Variants in TPD52L1 observed in about 807,000 individuals in gnomAD.
The protein encoded by TPD52L1 is tumor protein D53.
A neutral mutation model predicts 28.7 loss-of-function variants in TPD52L1; 18 were observed. The observed-to-expected ratio is 0.63, with a 90% confidence interval of 0.43 to 0.93. TPD52L1 has a LOEUF of 0.93. Ranked by LOEUF, TPD52L1 falls within the 40% of genes least tolerant of loss-of-function variation. The pLI, the probability that TPD52L1 is intolerant of heterozygous loss-of-function variation, is 0.00. For synonymous variants in TPD52L1, 75 were observed against 88.8 expected, an observed-to-expected ratio of 0.84 and a Z score of 0.88; for missense variants, 203 against 254.8, an observed-to-expected ratio of 0.80 and a Z score of 1.39.
intron 1 of TPD52L1, among the ~76,000 whole-genome samples, chr6:125,198,587 T>G (rs931458241): frequency 1.3e-5 from 2 of 151,864 alleles, no homozygotes; most frequent in African/African-American, 4.9e-5. Flanking sequence ...AACCACTTTC[T>G]GTCTATGAAC....
chr6:125,225,451 C>G (rs961795348), intron 2 of TPD52L1, among the ~76,000 whole-genome samples: 1 of 152,150 alleles, frequency 6.6e-6, no homozygotes, highest in Admixed American at 6.5e-5. Context: ...AGTGGCGGAA[C>G]TATTTTACAT....
intron 4 of TPD52L1, chr6:125,252,355 A>C (rs983844360): frequency 1.3e-5 from 4 of 298,542 alleles, no homozygotes; most frequent in African/African-American, 4.3e-5. Context: ...AAAAAAAACA[A>C]AGTGGAGATT....
At chr6:125,155,752 A>G (rs1441176649) in intron 1 of TPD52L1, among the ~76,000 whole-genome samples, 1 of 152,212 alleles carries the variant, frequency 6.6e-6, no homozygotes, top group Non-Finnish European at 1.5e-5. Flanking sequence ...TCAGAAGAGC[A>G]GATTGTTTAT....
intron 1 of TPD52L1, among the ~76,000 whole-genome samples, chr6:125,197,576 G>C (rs578172365): frequency 1.1e-4 from 16 of 152,226 alleles, no homozygotes; most frequent in African/African-American, 3.9e-4. Flanking sequence ...GAAAAGTGCA[G>C]AGTTTAGAAC....
chr6:125,257,507 T>G (rs1470736209), intron 6 of TPD52L1, among the ~76,000 whole-genome samples: 1 of 152,148 alleles, frequency 6.6e-6, no homozygotes, highest in Non-Finnish European at 1.5e-5. Context: ...TGAGTGAAAG[T>G]TCAATAACAG....
At chr6:125,164,474 C>T (rs1050644272) in intron 1 of TPD52L1, among the ~76,000 whole-genome samples, 5 of 152,032 alleles carry the variant, frequency 3.3e-5, no homozygotes, top group Non-Finnish European at 5.9e-5. Context: ...TATGTTATTC[C>T]ACTTGGTGTT....
chr6:125,154,647 T>C, intron 1 of TPD52L1: 1 of 512,020 alleles, frequency 2.0e-6, no homozygotes, highest in Non-Finnish European at 2.5e-6. Context: ...CTGCGGTGGC[T>C]TCAGGAAGGG....
intron 1 of TPD52L1, among the ~76,000 whole-genome samples, chr6:125,204,400 T>A (rs183392871): frequency 3.3e-5 from 5 of 152,344 alleles, no homozygotes; most frequent in Admixed American, 2.6e-4. Flanking sequence ...TTAATGGTCA[T>A]TGCATTGGTT....
intron 1 of TPD52L1, among the ~76,000 whole-genome samples, chr6:125,218,015 G>T (rs2114955189): frequency 6.6e-6 from 1 of 152,252 alleles, no homozygotes; most frequent in South Asian, 2.1e-4. Flanking sequence ...GTGACTTACA[G>T]TTTGTTGACA....
chr6:125,216,741 A>C (rs1794920237), intron 1 of TPD52L1, among the ~76,000 whole-genome samples: 2 of 151,884 alleles, frequency 1.3e-5, no homozygotes, highest in Non-Finnish European at 1.5e-5. Context: ...TAGCATTGAA[A>C]CTGGCTTCTG....
rs1344938515 is a variant in TPD52L1 at position 125,263,709 on chromosome 6, GA to G, written c.*748del. On this transcript the variant is annotated 3_prime_UTR_variant, in exon 7 of 7. Coordinates refer to ENST00000534000, the MANE Select transcript of TPD52L1 (RefSeq NM_003287.4). ...TACAAAAAAAGAAAAAAATTAGCCA[GA>G]CATAGTGTTGCTTGCCTGTAGTCCC... is the stretch of plus-strand genomic sequence containing the variant. The G allele has an allele frequency of 6.6e-6, 1 of 152,272 alleles. No homozygotes were observed. Among genetic ancestry groups the G allele is most frequent in the Non-Finnish European group, 1.5e-5 (1 of 68,050 alleles). 9.4% of individuals were successfully genotyped at this position (152,272 alleles called of 1,614,324 possible). A position where few individuals can be genotyped will look rare whatever the true frequency, so the allele number is the denominator to read the frequency against.
intron 2 of TPD52L1, 157 bp from the exon 3 acceptor site, chr6:125,228,961 T>C (rs1795779278): frequency 1.9e-6 from 1 of 527,696 alleles, no homozygotes. Flanking sequence ...CTTTGAGATA[T>C]TAGACTATCA....
At chr6:125,210,984 T>C (rs1192104238) in intron 1 of TPD52L1, among the ~76,000 whole-genome samples, 2 of 152,230 alleles carry the variant, frequency 1.3e-5, no homozygotes. Context: ...CGACGGATCA[T>C]TAAGCAAAAT....
At chr6:125,256,145 C>T (rs528168368) in intron 5 of TPD52L1, among the ~76,000 whole-genome samples, 27 of 152,132 alleles carry the variant, frequency 1.8e-4, no homozygotes, top group Non-Finnish European at 3.4e-4. Context: ...GGTCAGAATT[C>T]GAGACCAGCC....
At chr6:125,211,148 G>C (rs528664012) in intron 1 of TPD52L1, among the ~76,000 whole-genome samples, 1 of 152,178 alleles carries the variant, frequency 6.6e-6, no homozygotes, top group East Asian at 1.9e-4. Context: ...GACCAATTGG[G>C]AACCTTTGAT....
Position 125,228,663 on chromosome 6 carries a change from A to T in TPD52L1, c.136-455A>T, listed in dbSNP as rs1795762827. On this transcript the variant is annotated intron_variant, in intron 2 of 6. Transcript: ENST00000534000. ...TGAGACCAGCCTGGTCAACATAGTG[A>T]GACCCTGTCTCTTTAAAATAAATAA... is the stretch of plus-strand genomic sequence containing the variant. Among the ~76,000 whole-genome samples, 4 of 152,198 alleles carry T rather than the reference A, an allele frequency of 2.6e-5. No individual in the cohort carries two copies. In the South Asian group the frequency reaches 8.3e-4, roughly 32 times the overall value.
At chr6:125,178,320 C>T (rs1243869433) in intron 1 of TPD52L1, among the ~76,000 whole-genome samples, 1 of 152,118 alleles carries the variant, frequency 6.6e-6, no homozygotes, top group Admixed American at 6.6e-5. Context: ...TAGTAAGCAA[C>T]ATAAATTAGT....
At chr6:125,252,815 T>C (rs1348409909) in intron 4 of TPD52L1, 4 of 152,342 alleles carry the variant, frequency 2.6e-5, no homozygotes, top group African/African-American at 4.8e-5. Context: ...TCCTTTTCTT[T>C]CTGTGTTCTA....
At chr6:125,260,851 TGA>T (rs1165135448) in intron 6 of TPD52L1, among the ~76,000 whole-genome samples, 1 of 90,682 alleles carries the variant, frequency 1.1e-5, no homozygotes, top group Non-Finnish European at 2.3e-5. Context: ...AGAAAGAAAG[TGA>T]GAGAGAGAAA....
Sources: allele counts gnomAD v4.1 joint callset (sites outside exome capture counted in the v4.1 genomes callset), GRCh38; gene constraint gnomAD v4.1.1; transcripts MANE v1.5; gene names NCBI Gene and HGNC (gene_info 2026-07-23, HGNC 2026-07-21).